Variants in GLT8D2 observed in about 807,000 individuals in gnomAD.
GLT8D2 encodes glycosyltransferase 8 domain containing 2.
Under a neutral mutation model 44.5 loss-of-function variants are expected in GLT8D2, and 45 were observed. The ratio of observed to expected loss-of-function variants is 1.01; its 90% CI spans 0.80 to 1.30. GLT8D2 has a LOEUF of 1.30. GLT8D2 is among the 50% of genes most tolerant of loss of function. The probability of loss-of-function intolerance (pLI) is 0.00; values close to 1 mark genes in which losing one functional copy is unlikely to be tolerated. For missense variants in GLT8D2, 400 were observed against 430.4 expected (o/e 0.93, Z 0.62); for synonymous variants, 156 against 157.2 (o/e 0.99, Z 0.06).
At chr12:104,020,553 AG>A (rs1200644699) in intron 2 of GLT8D2, among the ~76,000 whole-genome samples, 1 of 152,228 alleles carries the variant, frequency 6.6e-6, no homozygotes, top group African/African-American at 2.4e-5. Context: ...CTTTTGGTCC[AG>A]TGGGGGAAAC....
At chr12:104,031,030 T>A (rs1158228447) in intron 1 of GLT8D2, 1 of 1,156,654 alleles carries the variant, frequency 8.6e-7, no homozygotes, top group East Asian at 2.6e-5. Flanking sequence ...TGGTGAGGAC[T>A]TGGCGCCTCA....
intron 2 of GLT8D2, 126 bp downstream of exon 2, chr12:104,021,231 G>A (rs368564507): frequency 6.6e-6 from 1 of 152,236 alleles, no homozygotes; most frequent in African/African-American, 2.4e-5. Flanking sequence ...TGCCTAGGTG[G>A]GATGGCTAGG....
At chr12:104,001,019 G>C (rs1483152292) in intron 5 of GLT8D2, among the ~76,000 whole-genome samples, 1 of 152,142 alleles carries the variant, frequency 6.6e-6, no homozygotes, top group Admixed American at 6.5e-5. Flanking sequence ...TGATTCCTCT[G>C]TCCTCCCAAG....
At chr12:104,036,640 A>T (rs1375252690) in intron 1 of GLT8D2, among the ~76,000 whole-genome samples, 2 of 152,248 alleles carry the variant, frequency 1.3e-5, no homozygotes, top group Admixed American at 1.3e-4. Context: ...CACCCAATAC[A>T]GGAGCACCCA....
rs921300950 is a variant in GLT8D2 at position 103,993,424 on chromosome 12, G to A, written c.848C>T (p.Thr283Ile). The change falls in exon 10 of 11, where the codon ACA (threonine) becomes ATA (isoleucine). Residue 283 changes from threonine to isoleucine, a missense_variant. Coordinates refer to ENST00000360814, the MANE Select transcript of GLT8D2 (RefSeq NM_001384711.1). ...CCTTATGTGCCACAGGGGGTTAATTGTGGAATATTTCCCATGAAACACAAT... is the reference window on the plus strand; with the variant it reads ...CCTTATGTGCCACAGGGGGTTAATTATGGAATATTTCCCATGAAACACAAT... Reference protein sequence around the residue: ...MLIVFHGKYSTINPLWHIRHL... With the variant: ...MLIVFHGKYSIINPLWHIRHL... 9.9e-6 allele frequency: 16 copies of A among 1,613,912 alleles called. No homozygotes were observed. Among genetic ancestry groups the A allele is most frequent in the Non-Finnish European group, 1.4e-5 (16 of 1,179,880 alleles).
At chr12:104,038,320 A>C (rs1939698363) in intron 1 of GLT8D2, among the ~76,000 whole-genome samples, 1 of 152,176 alleles carries the variant, frequency 6.6e-6, no homozygotes, top group African/African-American at 2.4e-5. Context: ...GAAAGAAATA[A>C]AGGGTATTCA....
intron 1 of GLT8D2, among the ~76,000 whole-genome samples, chr12:104,060,537 T>A (rs7299797): frequency 0.022 from 3,369 of 152,304 alleles, 125 homozygotes; most frequent in African/African-American, 0.077. Context: ...TGAATATGAC[T>A]TTATTTGGAT....
At chr12:104,036,817 T>C (rs1266778754) in intron 1 of GLT8D2, among the ~76,000 whole-genome samples, 1 of 152,212 alleles carries the variant, frequency 6.6e-6, no homozygotes, top group Non-Finnish European at 1.5e-5. Context: ...TGGACCTCAA[T>C]AGACATCTAC....
intron 6 of GLT8D2, 113 bp from the exon 7 acceptor site, chr12:103,997,648 A>C (rs367669865): frequency 4.1e-6 from 3 of 736,670 alleles, no homozygotes. Flanking sequence ...CCAGGTTTGG[A>C]GCGGAATAAA....
intron 1 of GLT8D2, among the ~76,000 whole-genome samples, chr12:104,037,564 G>T (rs547007758): frequency 6.6e-6 from 1 of 152,068 alleles, no homozygotes; most frequent in Non-Finnish European, 1.5e-5. Flanking sequence ...ATAAATTCCT[G>T]GATGCATACA....
At chr12:104,012,063 C>G (rs1022657919) in intron 4 of GLT8D2, among the ~76,000 whole-genome samples, 4 of 149,918 alleles carry the variant, frequency 2.7e-5, no homozygotes, top group Non-Finnish European at 1.5e-5. Flanking sequence ...CCCAGCCACT[C>G]GGGAGGCTGA....
intron 5 of GLT8D2, 75 bp downstream of exon 5, chr12:104,003,060 T>TAGGG (rs374136564): frequency 0.021 from 20,625 of 994,668 alleles, 278 homozygotes; most frequent in Non-Finnish European, 0.025. Flanking sequence ...GAAGAAGAGG[T>TAGGG]AGGGAGGGAG....
At chr12:103,991,124 G>T (rs1397699850) in intron 10 of GLT8D2, among the ~76,000 whole-genome samples, 1 of 152,096 alleles carries the variant, frequency 6.6e-6, no homozygotes, top group Non-Finnish European at 1.5e-5. Flanking sequence ...GTCCTACAAA[G>T]AAAAACGACA....
intron 2 of GLT8D2, among the ~76,000 whole-genome samples, chr12:104,020,226 A>G (rs1162406133): frequency 6.6e-6 from 1 of 151,850 alleles, no homozygotes; most frequent in Non-Finnish European, 1.5e-5. Context: ...CCAGCCCAGA[A>G]TTTTTTTTAA....
intron 1 of GLT8D2, among the ~76,000 whole-genome samples, chr12:104,063,030 G>A (rs879694744): frequency 7.2e-5 from 11 of 151,850 alleles, no homozygotes; most frequent in Non-Finnish European, 1.6e-4. Context: ...AGAATCTTAT[G>A]CCTGATGATC....
intron 1 of GLT8D2, among the ~76,000 whole-genome samples, chr12:104,057,960 G>A (rs1432694270): frequency 2.0e-5 from 3 of 152,192 alleles, no homozygotes; most frequent in Non-Finnish European, 4.4e-5. Context: ...GGGAAGGCTA[G>A]CTAGGGGTTC....
At chr12:104,051,135 TA>T (rs886180144), upstream of GLT8D2, among the ~76,000 whole-genome samples, 50 of 151,432 alleles carry the variant, frequency 3.3e-4, no homozygotes, top group African/African-American at 1.2e-3. Context: ...TTTTTTTTTT[TA>T]AAGAGACAGG....
Position 103,989,287 on chromosome 12 carries a change from G to T in GLT8D2, c.*121C>A. On this transcript the variant is annotated 3_prime_UTR_variant, in exon 11 of 11. Transcript: ENST00000360814. The stretch of plus-strand genomic sequence containing the variant: ...GTATAATTTGCACACAGTAGTTTTT[G>T]GTTTTTATATTGTGGATCATATGTA... 1 of 810,706 alleles carries T rather than the reference G, an allele frequency of 1.2e-6. No homozygotes were observed. The allele number at this position is 810,706 out of a possible 1,614,324, so 50.2% of individuals were successfully genotyped here.
At chr12:104,050,621 G>A (rs867500367), upstream of GLT8D2, among the ~76,000 whole-genome samples, 1 of 152,088 alleles carries the variant, frequency 6.6e-6, no homozygotes, top group Non-Finnish European at 1.5e-5. Context: ...ACAGCAATCT[G>A]CGCTGTTCTG....
Sources: allele counts gnomAD v4.1 joint callset (sites outside exome capture counted in the v4.1 genomes callset), GRCh38; gene constraint gnomAD v4.1.1; transcripts MANE v1.5; gene names NCBI Gene and HGNC (gene_info 2026-07-23, HGNC 2026-07-21).